Variants in MS4A8 observed in about 807,000 individuals in gnomAD.
MS4A8 encodes the protein membrane spanning 4-domains A8.
Under a neutral mutation model 23.7 loss-of-function variants are expected in MS4A8, and 27 were observed. The ratio of observed to expected loss-of-function variants is 1.14; its 90% CI spans 0.84 to 1.57. MS4A8 has a LOEUF of 1.57. Among genes scored for constraint, MS4A8 ranks in the 40% most tolerant of loss-of-function variants. MS4A8 has a pLI of 0.00. For synonymous variants in MS4A8, 138 were observed against 126.3 expected, an observed-to-expected ratio of 1.09 and a Z score of -0.62; for missense variants, 301 against 311.4, an observed-to-expected ratio of 0.97 and a Z score of 0.25.
In MS4A8 at chr11:60,712,518, T is replaced by C. The variant is rs74588793; in HGVS notation, c.535-2503T>C. ...TCATAATTGAGATAATTGAGGCCGG[T>C]CACGGTGGCTCACACCTGTAATCCC... is the stretch of plus-strand genomic sequence containing the variant. On this transcript the variant is annotated intron_variant, in intron 5 of 6. Coordinates refer to ENST00000300226, the MANE Select transcript of MS4A8 (RefSeq NM_031457.2). The C allele has an allele frequency of 7.5e-6, 7 of 936,134 alleles. No individual in the cohort carries two copies. In the African/African-American group the frequency reaches 8.9e-5, roughly 12 times the overall value. The allele number at this position is 936,134 out of a possible 1,614,324, so 58.0% of individuals were successfully genotyped here. A position where few individuals can be genotyped will look rare whatever the true frequency, so the allele number is the denominator to read the frequency against.
At position 60,715,022 on chromosome 11, in the gene MS4A8, ACCCTGGAATGG is replaced by A. The variant is rs1222859990; in HGVS notation, c.538_548del (p.Pro180AspfsTer62). ...CCTCCCCATCTGCTCTGCCTACAGA[ACCCTGGAATGG>A]CGATTTCTGGCGTGCTGCTGGTCTT... On this transcript the variant is annotated frameshift_variant and splice_region_variant, in exon 6 of 7. Coordinates refer to ENST00000300226, the MANE Select transcript of MS4A8 (RefSeq NM_031457.2). LOFTEE classifies it high-confidence loss of function. 2 of 1,613,032 alleles carry A rather than the reference ACCCTGGAATGG, an allele frequency of 1.2e-6. No homozygotes were observed. Among genetic ancestry groups the A allele is most frequent in the South Asian group, 2.2e-5 (2 of 91,032 alleles).
rs1193745623 is a variant in MS4A8 at position 60,708,723 on chromosome 11, ATC to A, written c.478_479del (p.Leu160LysfsTer85). 1.2e-6 allele frequency: 2 copies of A among 1,612,474 alleles called. No individual in the cohort carries two copies. Among genetic ancestry groups the A allele is most frequent in the Non-Finnish European group, 1.7e-6 (2 of 1,179,484 alleles). On this transcript the variant is annotated frameshift_variant, in exon 5 of 7. Coordinates refer to ENST00000300226, the MANE Select transcript of MS4A8 (RefSeq NM_031457.2). LOFTEE classifies it high-confidence loss of function. ...GTTGGAGTCATACTCTTCATCACAGATCTAAGTATTCCCCACCCATATGCCTA... is the reference window on the plus strand; with the variant it reads ...GTTGGAGTCATACTCTTCATCACAGATAAGTATTCCCCACCCATATGCCTA...
chr11:60,701,303 G>A (rs1224425404), intron 2 of MS4A8: 1 of 662,614 alleles, frequency 1.5e-6, no homozygotes, highest in Non-Finnish European at 2.8e-6. Flanking sequence ...GAAAGAGAAA[G>A]AAAAGCAACA....
chr11:60,699,899 G>C (rs1282783776), intron 1 of MS4A8, 124 bp downstream of exon 1: 2 of 152,226 alleles, frequency 1.3e-5, no homozygotes, highest in Non-Finnish European at 2.9e-5. Context: ...TAGCTTTATT[G>C]AGTCTGCTCC....
chr11:60,701,171 TC>T, intron 2 of MS4A8, 92 bp downstream of exon 2: 1 of 1,220,510 alleles, frequency 8.2e-7, no homozygotes, highest in Non-Finnish European at 1.2e-6. Context: ...AAACACTACA[TC>T]CCGCAAGTGG....
chr11:60,701,214 G>T (rs2088201419), intron 2 of MS4A8, 135 bp downstream of exon 2: 4 of 822,232 alleles, frequency 4.9e-6, no homozygotes, highest in Non-Finnish European at 8.2e-6. Flanking sequence ...CCAAGCACAG[G>T]TCTATTAGAA....
intron 1 of MS4A8, 70 bp downstream of exon 1, chr11:60,699,845 AC>A (rs1804293382): frequency 6.6e-6 from 1 of 152,282 alleles, no homozygotes; most frequent in African/African-American, 2.4e-5. Context: ...AGTGAGACTT[AC>A]GGCGAACCAG....
At chr11:60,701,215 T>A in intron 2 of MS4A8, 136 bp downstream of exon 2, 1 of 815,094 alleles carries the variant, frequency 1.2e-6, no homozygotes, top group South Asian at 1.5e-5. Flanking sequence ...CAAGCACAGG[T>A]CTATTAGAAA....
At chr11:60,705,772 G>A (rs1346588576) in intron 3 of MS4A8, among the ~76,000 whole-genome samples, 3 of 152,230 alleles carry the variant, frequency 2.0e-5, no homozygotes, top group Non-Finnish European at 2.9e-5. Context: ...AGTATGGAGT[G>A]AGGGTTAGGA....
At chr11:60,704,149 C>A (rs2088232206) in intron 3 of MS4A8, among the ~76,000 whole-genome samples, 1 of 125,118 alleles carries the variant, frequency 8.0e-6, no homozygotes, top group Admixed American at 9.7e-5. Flanking sequence ...GAGATGGAGT[C>A]TCACTCTGTC....
chr11:60,713,926 T>C (rs1276598031), intron 5 of MS4A8, among the ~76,000 whole-genome samples: 1 of 130,840 alleles, frequency 7.6e-6, no homozygotes, highest in Non-Finnish European at 1.5e-5. Context: ...TTTTTTTTTT[T>C]TTTTTTTTTG....
intron 5 of MS4A8, chr11:60,711,947 A>T (rs1188315750): frequency 2.6e-6 from 1 of 386,102 alleles, no homozygotes; most frequent in East Asian, 9.3e-5. Context: ...GAGCTTTGCA[A>T]ATAATGACCC....
rs549386063 is a variant in MS4A8 at position 60,705,974 on chromosome 11, G to A, written c.343-1014G>A. Among the ~76,000 whole-genome samples, 9 of 152,310 alleles carry A rather than the reference G, an allele frequency of 5.9e-5. No individual in the cohort carries two copies. In the South Asian group the frequency reaches 1.7e-3, roughly 28 times the overall value. On this transcript the variant is annotated intron_variant, in intron 3 of 6. Transcript: ENST00000300226. ...TTGATGGGCCACCATGTGGTTAAAT[G>A]AGGCGAGGTTGAACAAGTACTTCAT...
At chr11:60,705,149 G>A (rs778407242) in intron 3 of MS4A8, among the ~76,000 whole-genome samples, 3 of 152,142 alleles carry the variant, frequency 2.0e-5, no homozygotes, top group African/African-American at 4.8e-5. Flanking sequence ...CTCCTCTAGC[G>A]AGGCTCTGCA....
chr11:60,713,915 T>G (rs1475963871), intron 5 of MS4A8, among the ~76,000 whole-genome samples: 5 of 121,642 alleles, frequency 4.1e-5, no homozygotes, highest in African/African-American at 1.8e-4. Context: ...GACTCTTTTT[T>G]TTTTTTTTTT....
intron 3 of MS4A8, among the ~76,000 whole-genome samples, chr11:60,704,715 A>T (rs1480679884): frequency 6.6e-6 from 1 of 152,148 alleles, no homozygotes. Context: ...TCATCAGATT[A>T]TCAGAGTGAT....
At position 60,715,080 on chromosome 11, in the gene MS4A8, C is replaced by A; in HGVS notation, c.594C>A (p.Ile198=). The A allele has an allele frequency of 1.9e-6, 3 of 1,614,118 alleles. No individual in the cohort carries two copies. The highest frequency in any genetic ancestry group is 2.2e-5 in the South Asian group (2 of 91,072). Residue 198 remains isoleucine, a synonymous_variant, in exon 6 of 7, where the codon ATC becomes ATA. Coordinates refer to ENST00000300226, the MANE Select transcript of MS4A8 (RefSeq NM_031457.2). ...LLVFCLLEFG[I]ACASSHFGCQ... ...TCTTCTGCCTCCTGGAGTTTGGCAT[C>A]GCATGCGCATCTTCCCACTTTGGCT...
At chr11:60,704,045 A>G (rs2088230571) in intron 3 of MS4A8, among the ~76,000 whole-genome samples, 1 of 151,990 alleles carries the variant, frequency 6.6e-6, no homozygotes, top group Admixed American at 6.5e-5. Context: ...TGTGGACACA[A>G]TTCAGCCCAT....
rs537907847 is a variant in MS4A8, at chr11:60,712,036, A to AC, written c.535-2981dup. ...AAAAAAAATCTCAGCTGCTTGAGGGACCCCTTTTCCATGAAATATTTTATG... is the reference window on the plus strand; with the variant it reads ...AAAAAAAATCTCAGCTGCTTGAGGGACCCCCTTTTCCATGAAATATTTTATG... On this transcript the variant is annotated intron_variant, in intron 5 of 6. Transcript: ENST00000300226. 3.4e-3 allele frequency: 844 copies of AC among 248,280 alleles called. 1 individual carries two copies. Among genetic ancestry groups the AC allele is most frequent in the Non-Finnish European group, 5.0e-3 (622 of 124,608 alleles). 15.4% of individuals were successfully genotyped at this position (248,280 alleles called of 1,614,324 possible). A position where few individuals can be genotyped will look rare whatever the true frequency, so the allele number is the denominator to read the frequency against.
Sources: gnomAD v4.1 joint callset for allele counts (sites outside exome capture counted in the v4.1 genomes callset) on GRCh38, gnomAD v4.1.1 for gene constraint, MANE v1.5 for transcripts, NCBI Gene and HGNC (gene_info 2026-07-23, HGNC 2026-07-21) for gene names.